EPHA8: variants seen among roughly 807,000 people sequenced by gnomAD.
The protein encoded by EPHA8 is EPH receptor A8.
Under a neutral mutation model 103.6 loss-of-function variants are expected in EPHA8, and 58 were observed. The ratio of observed to expected loss-of-function variants is 0.56; its 90% CI spans 0.45 to 0.70. The LOEUF (loss-of-function observed/expected upper bound fraction) is 0.70, where lower values mean the gene tolerates loss of function less well. Among genes scored for constraint, EPHA8 ranks in the 30% least tolerant of loss-of-function variants. The probability of loss-of-function intolerance (pLI) is 0.00; values close to 1 mark genes in which losing one functional copy is unlikely to be tolerated. For synonymous variants in EPHA8, 559 were observed against 572.5 expected, an observed-to-expected ratio of 0.98 and a Z score of 0.34; for missense variants, 1,304 against 1,395.2, an observed-to-expected ratio of 0.93 and a Z score of 1.04.
chr1:22,599,877 GAGGGAGTGGGGGAGGAAGGAAGGA>G (rs1641654223), intron 13 of EPHA8, among the ~76,000 whole-genome samples: 1 of 81,440 alleles, frequency 1.2e-5, no homozygotes, highest in South Asian at 6.5e-4. Flanking sequence ...GGGAAGGAGG[GAGGGAGTGGGGGAGGAAGGAAGGA>G]AGGGAGGGAA....
chr1:22,602,044 G>A lies in EPHA8; in HGVS notation c.*303G>A, dbSNP rs1191412269. The stretch of plus-strand genomic sequence containing the variant: ...AGGGACATCACTCGCCTGCCTCTGT[G>A]TGCGTGCATGTGTGTGTGTGGTGGG... On this transcript the variant is annotated 3_prime_UTR_variant, in exon 17 of 17. Transcript: ENST00000166244. 15 of 506,298 alleles carry A rather than the reference G, an allele frequency of 3.0e-5. No individual in the cohort carries two copies. Among genetic ancestry groups the A allele is most frequent in the Non-Finnish European group, 4.5e-5 (13 of 288,048 alleles). The allele number at this position is 506,298 out of a possible 1,614,324, so 31.4% of individuals were successfully genotyped here.
chr1:22,573,735 GC>G lies in EPHA8; in HGVS notation c.160-2480del, dbSNP rs151237866. Among the ~76,000 whole-genome samples the G allele has an allele frequency of 1.1e-3, 161 of 152,322 alleles. 3 individuals are homozygous for G. In the East Asian group the frequency reaches 0.025, roughly 24 times the overall value. ...TCAGCTCAACAAGGGACTGCTCCTG[GC>G]CAGCCAGTGCTCAGCAGCCGAGGAA... On this transcript the variant is annotated intron_variant, in intron 2 of 16. Transcript: ENST00000166244.
In EPHA8 at chr1:22,570,248, GCA is replaced by G. The variant is rs369837509; in HGVS notation, c.159+903_159+904del. ...CCAGCGTGCTCAGAAACACACACAT[GCA>G]CACACACGCACGCATGTACACACAC... is the stretch of plus-strand genomic sequence containing the variant. On this transcript the variant is annotated intron_variant, in intron 2 of 16. Transcript: ENST00000166244. 1.4e-3 allele frequency among the ~76,000 whole-genome samples: 216 copies of G among 152,098 alleles called. 1 individual carries two copies. Among genetic ancestry groups the G allele is most frequent in the South Asian group, 7.7e-3 (37 of 4,824 alleles).
chr1:22,564,559 G>A (rs1222525185), intron 1 of EPHA8, among the ~76,000 whole-genome samples: 1 of 151,994 alleles, frequency 6.6e-6, no homozygotes, highest in Admixed American at 6.5e-5. Context: ...GATTGGGGTG[G>A]GGAGGTGCAC....
rs1468057581 is a variant in EPHA8, at chr1:22,598,376, G to A, written c.2178+164G>A. 1.3e-5 allele frequency among the ~76,000 whole-genome samples: 2 copies of A among 152,168 alleles called. No homozygotes were observed. The highest frequency in any genetic ancestry group is 2.4e-5 in the African/African-American group (1 of 41,440). ...AGGAGGTCTTCGAGTTCAGCCAGTC[G>A]AACTGCCTTTCGGCCCCCATTGCAT... On this transcript the variant is annotated intron_variant, in intron 12 of 16. Transcript: ENST00000166244. The surrounding 1 kb of genome is among the most constrained non-coding windows in gnomAD (Gnocchi z 5.1).
Position 22,597,617 on chromosome 1 carries a change from G to T in EPHA8, c.1931-59G>T. 1 of 1,554,402 alleles carries T rather than the reference G, an allele frequency of 6.4e-7. No individual in the cohort carries two copies. Among genetic ancestry groups the T allele is most frequent in the Admixed American group, 1.9e-5 (1 of 54,016 alleles). ...AGGGGGTCCAAGGGCCTGGGAGGCTGGGGGAGTCTGAGGGTCCCACTGCCC... is the reference window on the plus strand; with the variant it reads ...AGGGGGTCCAAGGGCCTGGGAGGCTTGGGGAGTCTGAGGGTCCCACTGCCC... On this transcript the variant is annotated intron_variant, in intron 10 of 16. Transcript: ENST00000166244. The surrounding 1 kb of genome is among the most constrained non-coding windows in gnomAD (Gnocchi z 4.6).
chr1:22,601,913 G>T lies in EPHA8; in HGVS notation c.*172G>T, dbSNP rs1462924348. 2 of 696,732 alleles carry T rather than the reference G, an allele frequency of 2.9e-6. No individual in the cohort carries two copies. The highest frequency in any genetic ancestry group is 2.8e-5 in the East Asian group (1 of 35,826). 43.2% of individuals were successfully genotyped at this position (696,732 alleles called of 1,614,324 possible). A position where few individuals can be genotyped will look rare whatever the true frequency, so the allele number is the denominator to read the frequency against. ...GACCTGGAGTTATCAGGGGTCAGGCGCCTGGGAAGGGGCCTTTGGTGGCCA... is the reference window on the plus strand; with the variant it reads ...GACCTGGAGTTATCAGGGGTCAGGCTCCTGGGAAGGGGCCTTTGGTGGCCA... On this transcript the variant is annotated 3_prime_UTR_variant, in exon 17 of 17. Transcript: ENST00000166244.
At chr1:22,568,571 C>T (rs1274534806) in intron 1 of EPHA8, among the ~76,000 whole-genome samples, 2 of 152,230 alleles carry the variant, frequency 1.3e-5, no homozygotes, top group African/African-American at 4.8e-5. Context: ...CTGGCCGCCT[C>T]TCAGGTTGTT....
intron 3 of EPHA8, among the ~76,000 whole-genome samples, chr1:22,583,523 G>T (rs1641103601): frequency 6.6e-6 from 1 of 152,096 alleles, no homozygotes; most frequent in African/African-American, 2.4e-5. Context: ...GGAACCTGGG[G>T]CAAGGCATTC....
chr1:22,574,387 A>G (rs1416780748), intron 2 of EPHA8, among the ~76,000 whole-genome samples: 6 of 152,182 alleles, frequency 3.9e-5, no homozygotes, highest in Non-Finnish European at 7.3e-5. Flanking sequence ...GTGCATTCAC[A>G]TTGCTGTGTG....
Position 22,598,832 on chromosome 1 carries a change from C to T in EPHA8, c.2179-6C>T, listed in dbSNP as rs1379991484. ...TTCCTGAAGTCCAAGCCATGTCCCC[C>T]TGCAGACCCACGACGGGCAGTTCAC... On this transcript the variant is annotated splice_region_variant and splice_polypyrimidine_tract_variant and intron_variant, in intron 12 of 16. Coordinates refer to ENST00000166244, the MANE Select transcript of EPHA8 (RefSeq NM_020526.5). The surrounding 1 kb of genome is among the most constrained non-coding windows in gnomAD (Gnocchi z 5.1). 2 of 1,611,862 alleles carry T rather than the reference C, an allele frequency of 1.2e-6. No homozygotes were observed. The highest frequency in any genetic ancestry group is 3.3e-5 in the Admixed American group (2 of 59,978).
At chr1:22,577,035 C>G (rs1311304128) in intron 3 of EPHA8, among the ~76,000 whole-genome samples, 155 bp downstream of exon 3, 2 of 152,164 alleles carry the variant, frequency 1.3e-5, no homozygotes, top group East Asian at 3.9e-4. Flanking sequence ...GTTCCTACAT[C>G]AGGAAATATG....
intron 5 of EPHA8, among the ~76,000 whole-genome samples, chr1:22,591,161 G>A (rs9726716): frequency 0.79 from 119,771 of 151,876 alleles, 47,248 homozygotes; most frequent in East Asian, 0.85. Flanking sequence ...AGGCCAAGGC[G>A]GGAGGATCAC....
intron 2 of EPHA8, among the ~76,000 whole-genome samples, chr1:22,571,496 C>T (rs1569952350): frequency 6.6e-6 from 1 of 152,186 alleles, no homozygotes; most frequent in Non-Finnish European, 1.5e-5. Context: ...CCGCCACCTT[C>T]GAACTGCAGG....
intron 1 of EPHA8, among the ~76,000 whole-genome samples, chr1:22,564,953 C>T (rs1187226382): frequency 3.9e-5 from 6 of 152,096 alleles, no homozygotes; most frequent in Admixed American, 3.9e-4. Flanking sequence ...CACCGAGGGC[C>T]CACCCTACAC....
Position 22,585,206 on chromosome 1 carries a change from C to T in EPHA8, c.824-1274C>T, listed in dbSNP as rs139212785. ...GAATCAGACTGCTGGGTGTGGGGATCGGCCAGTGCTTTAGTTTGGCCTAAG... is the reference window on the plus strand; with the variant it reads ...GAATCAGACTGCTGGGTGTGGGGATTGGCCAGTGCTTTAGTTTGGCCTAAG... On this transcript the variant is annotated intron_variant, in intron 3 of 16. Transcript: ENST00000166244. Among the ~76,000 whole-genome samples, 441 of 152,212 alleles carry T rather than the reference C, an allele frequency of 2.9e-3. 3 individuals carry two copies. Among genetic ancestry groups the T allele is most frequent in the African/African-American group, 9.6e-3 (399 of 41,524 alleles).
Position 22,597,219 on chromosome 1 carries a change from TCACCC to T in EPHA8, c.1766-85_1766-81del. On this transcript the variant is annotated intron_variant, in intron 9 of 16. Transcript: ENST00000166244. The surrounding 1 kb of genome is among the most constrained non-coding windows in gnomAD (Gnocchi z 4.6). ...ATCCAGAGACTCCCAGAGACACCCCTCACCCCACCCCAGACCCATCCCAGGCCCAG... is the reference window on the plus strand; with the variant it reads ...ATCCAGAGACTCCCAGAGACACCCCTCACCCCAGACCCATCCCAGGCCCAG... The T allele has an allele frequency of 9.2e-7, 1 of 1,088,620 alleles. No homozygotes were observed. The highest frequency in any genetic ancestry group is 1.3e-6 in the Non-Finnish European group (1 of 769,344). 67.4% of individuals were successfully genotyped at this position (1,088,620 alleles called of 1,614,324 possible).
chr1:22,572,186 T>C (rs2124514224), intron 2 of EPHA8, among the ~76,000 whole-genome samples: 1 of 152,318 alleles, frequency 6.6e-6, no homozygotes, highest in East Asian at 1.9e-4. Flanking sequence ...GTCTCCAGCC[T>C]CAGAAATGTT....
chr1:22,569,460 G>A lies in EPHA8; in HGVS notation c.159+107G>A, dbSNP rs1178538385. The A allele has an allele frequency of 1.0e-5, 13 of 1,257,560 alleles. No individual in the cohort carries two copies. Among genetic ancestry groups the A allele is most frequent in the Non-Finnish European group, 1.3e-5 (12 of 911,576 alleles). 77.9% of individuals were successfully genotyped at this position (1,257,560 alleles called of 1,614,324 possible). ...TCAAAAGGAAGCAGAGGCCCAGAGAGGTCAAGGGACTTACCCAAGGGCACA... is the reference window on the plus strand; with the variant it reads ...TCAAAAGGAAGCAGAGGCCCAGAGAAGTCAAGGGACTTACCCAAGGGCACA... On this transcript the variant is annotated intron_variant, in intron 2 of 16. Coordinates refer to ENST00000166244, the MANE Select transcript of EPHA8 (RefSeq NM_020526.5). This position sits in a 1 kb window ranked among gnomAD's most constrained non-coding sequence, Gnocchi z 4.5.
Sources: allele counts gnomAD v4.1 joint callset (sites outside exome capture counted in the v4.1 genomes callset), GRCh38; gene constraint gnomAD v4.1.1; non-coding constraint Gnocchi (gnomAD v3.1); transcripts MANE v1.5; gene names NCBI Gene and HGNC (gene_info 2026-07-23, HGNC 2026-07-21).